PREX2: variants seen among roughly 807,000 people sequenced by gnomAD.
PREX2 encodes phosphatidylinositol 3,4,5-trisphosphate-dependent Rac exchanger 2 protein.
Under a neutral mutation model 203.2 loss-of-function variants are expected in PREX2, and 107 were observed. The ratio of observed to expected loss-of-function variants is 0.53; its 90% CI spans 0.45 to 0.62. PREX2 has a LOEUF of 0.62. PREX2 is among the 20% of genes least tolerant of loss of function. The pLI is 0.00. For missense variants in PREX2, 1,777 were observed against 1,955.9 expected (o/e 0.91, Z 1.72); for synonymous variants, 672 against 663.6 (o/e 1.01, Z -0.19).
intron 4 of PREX2, among the ~76,000 whole-genome samples, chr8:68,025,790 T>A (rs1807700346): frequency 6.6e-6 from 1 of 152,066 alleles, no homozygotes. Flanking sequence ...CATGTATGTA[T>A]AAGGAGCTGG....
At chr8:68,079,802 G>A (rs1412013405) in intron 15 of PREX2, among the ~76,000 whole-genome samples, 1 of 152,070 alleles carries the variant, frequency 6.6e-6, no homozygotes, top group Non-Finnish European at 1.5e-5. Flanking sequence ...GATTTGGGGG[G>A]AAATGCTAAT....
intron 23 of PREX2, among the ~76,000 whole-genome samples, chr8:68,106,593 G>GTA (rs1301398016): frequency 6.6e-6 from 1 of 151,856 alleles, no homozygotes; most frequent in Non-Finnish European, 1.5e-5. Flanking sequence ...ACATGCGTAT[G>GTA]TATATATATC....
At chr8:68,026,030 A>C (rs1807705361) in intron 4 of PREX2, among the ~76,000 whole-genome samples, 2 of 152,126 alleles carry the variant, frequency 1.3e-5, no homozygotes, top group African/African-American at 4.8e-5. Flanking sequence ...GTTGTGTTTC[A>C]TAGGATTCCT....
chr8:68,128,486 G>A (rs1395540898), intron 31 of PREX2, among the ~76,000 whole-genome samples: 1 of 152,088 alleles, frequency 6.6e-6, no homozygotes, highest in Non-Finnish European at 1.5e-5. Context: ...ATCTTGGCTG[G>A]GTTTGCACAT....
In PREX2 at chr8:68,037,916, C is replaced by T. The variant is rs561782234; in HGVS notation, c.706-243C>T. On this transcript the variant is annotated intron_variant, in intron 6 of 39. Transcript: ENST00000288368. ...TATTCTATACGCTTGTGTATGTACA[C>T]AACACACCTGGAAGGAGACACAGAA... Among the ~76,000 whole-genome samples the T allele has an allele frequency of 2.6e-5, 4 of 152,228 alleles. No homozygotes were observed. In the East Asian group the frequency reaches 7.7e-4, roughly 29 times the overall value.
At chr8:68,163,214 A>G (rs1011124356) in intron 35 of PREX2, among the ~76,000 whole-genome samples, 2 of 152,222 alleles carry the variant, frequency 1.3e-5, no homozygotes, top group African/African-American at 2.4e-5. Flanking sequence ...GTTTAGTTTT[A>G]AAACTTTAGC....
At position 68,095,571 on chromosome 8, in the gene PREX2, GTGTGTGTGTGTATA is replaced by G. The variant is rs1451452424; in HGVS notation, c.2369-1436_2369-1423del. Among the ~76,000 whole-genome samples the G allele has an allele frequency of 2.2e-3, 336 of 151,172 alleles. 1 individual carries two copies. The highest frequency in any genetic ancestry group is 3.4e-3 in the Admixed American group (52 of 15,154). On this transcript the variant is annotated intron_variant, in intron 21 of 39. Coordinates refer to ENST00000288368, the MANE Select transcript of PREX2 (RefSeq NM_024870.4). ...TGTGTGTGTGTGTATCTATGTGTGT[GTGTGTGTGTGTATA>G]TGTGTGTGTATATATATATCTTTCT...
Position 68,090,725 on chromosome 8 carries a change from C to T in PREX2, c.2250+10C>T. 6.2e-7 allele frequency: 1 copy of T among 1,611,344 alleles called. No homozygotes were observed. The highest frequency in any genetic ancestry group is 8.5e-7 in the Non-Finnish European group (1 of 1,178,068). On this transcript the variant is annotated intron_variant, in intron 20 of 39. Coordinates refer to ENST00000288368, the MANE Select transcript of PREX2 (RefSeq NM_024870.4). ...CAGGCGGCCAACGAAGGTAAGTGGC[C>T]CTTCAGATAATCTGGATCTGAGTGA...
intron 1 of PREX2, among the ~76,000 whole-genome samples, chr8:67,991,940 T>A (rs575612865): frequency 6.6e-6 from 1 of 152,328 alleles, no homozygotes; most frequent in East Asian, 1.9e-4. Flanking sequence ...ATCATAGAAG[T>A]CATTTAACCT....
intron 13 of PREX2, among the ~76,000 whole-genome samples, chr8:68,070,575 G>A (rs1359968589): frequency 6.6e-6 from 1 of 152,030 alleles, no homozygotes; most frequent in East Asian, 1.9e-4. Context: ...TTAACTGATA[G>A]AATGTTAAAC....
At chr8:68,191,533 C>T (rs1033818747) in intron 35 of PREX2, among the ~76,000 whole-genome samples, 189 bp from the exon 36 acceptor site, 5 of 152,204 alleles carry the variant, frequency 3.3e-5, no homozygotes, top group Middle Eastern at 3.4e-3. Flanking sequence ...CTAATAGACC[C>T]GGTGGTAATT....
rs115107715 is a variant in PREX2, at chr8:67,952,640, G to A, written c.141+105G>A. On this transcript the variant is annotated intron_variant, in intron 1 of 39. Coordinates refer to ENST00000288368, the MANE Select transcript of PREX2 (RefSeq NM_024870.4). Reference sequence around the variant, plus strand: ...CGGCATTGTCTGTGCGGGGACCCGGGACGGGTCGGGGCATCACAGGCGCGG... The same window carrying A: ...CGGCATTGTCTGTGCGGGGACCCGGAACGGGTCGGGGCATCACAGGCGCGG... The A allele has an allele frequency of 2.6e-3, 3,837 of 1,471,810 alleles. 77 individuals are homozygous for A. The African/African-American group carries it at 0.046, about 18-fold the overall frequency. 91.2% of individuals were successfully genotyped at this position (1,471,810 alleles called of 1,614,324 possible). A position where few individuals can be genotyped will look rare whatever the true frequency, so the allele number is the denominator to read the frequency against.
chr8:68,133,555 A>G lies in PREX2; in HGVS notation c.3767-504A>G, dbSNP rs75146436. 3.1e-3 allele frequency among the ~76,000 whole-genome samples: 477 copies of G among 152,342 alleles called. 19 individuals carry two copies. In the East Asian group the frequency reaches 0.073, roughly 23 times the overall value. On this transcript the variant is annotated intron_variant, in intron 31 of 39. Transcript: ENST00000288368. ...ACAGATTTGCTTATAATTGCAAACA[A>G]TTGAACATCGTATACTCTTTTTCCC... is the stretch of plus-strand genomic sequence containing the variant.
intron 1 of PREX2, among the ~76,000 whole-genome samples, chr8:67,989,638 TTTACC>T (rs1171926398): frequency 6.6e-6 from 1 of 152,236 alleles, no homozygotes; most frequent in Non-Finnish European, 1.5e-5. Flanking sequence ...AGTTTATGAC[TTTACC>T]TTAGCGATTT....
chr8:67,983,101 A>T (rs1340086445), intron 1 of PREX2, among the ~76,000 whole-genome samples: 1 of 152,248 alleles, frequency 6.6e-6, no homozygotes, highest in Non-Finnish European at 1.5e-5. Flanking sequence ...TATATGGGCC[A>T]TAGTGGTGGT....
At chr8:68,113,187 CATTT>C (rs746177573) in intron 25 of PREX2, among the ~76,000 whole-genome samples, 117 of 151,836 alleles carry the variant, frequency 7.7e-4, no homozygotes, top group Non-Finnish European at 1.6e-3. Flanking sequence ...GTTTTTCTAT[CATTT>C]GTTTGTAAGC....
In PREX2 at chr8:68,052,975, T is replaced by C. The variant is rs1481782028; in HGVS notation, c.944-122T>C. On this transcript the variant is annotated intron_variant, in intron 8 of 39. Coordinates refer to ENST00000288368, the MANE Select transcript of PREX2 (RefSeq NM_024870.4). The stretch of plus-strand genomic sequence containing the variant: ...GTTTATGTTTTTCAATATACATATG[T>C]AAAGCAAAGAGATGTTGAACAATTC... The C allele has an allele frequency of 5.0e-6, 4 of 800,084 alleles. No individual in the cohort carries two copies. In the Admixed American group the frequency reaches 1.1e-4, roughly 23 times the overall value. 49.6% of individuals were successfully genotyped at this position (800,084 alleles called of 1,614,324 possible).
chr8:68,167,894 TC>T (rs1309402467), intron 35 of PREX2, among the ~76,000 whole-genome samples: 1 of 152,190 alleles, frequency 6.6e-6, no homozygotes, highest in Non-Finnish European at 1.5e-5. Flanking sequence ...TAAAATATGA[TC>T]CCGAGACAAG....
chr8:68,094,243 T>A (rs1298186357), intron 21 of PREX2, among the ~76,000 whole-genome samples: 1 of 152,236 alleles, frequency 6.6e-6, no homozygotes, highest in African/African-American at 2.4e-5. Context: ...TAACTAGATT[T>A]GATTTGTATG....
Sources: allele counts gnomAD v4.1 joint callset (sites outside exome capture counted in the v4.1 genomes callset), GRCh38; gene constraint gnomAD v4.1.1; transcripts MANE v1.5; gene names NCBI Gene and HGNC (gene_info 2026-07-23, HGNC 2026-07-21).